The following PTPRD variants were observed in gnomAD, a reference collection of about 807,000 sequenced individuals.
PTPRD encodes the protein protein tyrosine phosphatase receptor type D.
A neutral mutation model predicts 214.5 loss-of-function variants in PTPRD; 34 were observed. That is an observed-to-expected ratio of 0.16 (90% confidence interval 0.12 to 0.21). PTPRD has a LOEUF of 0.21. PTPRD is among the 10% of genes least tolerant of loss of function. The pLI, the probability that PTPRD is intolerant of heterozygous loss-of-function variation, is 1.00. For synonymous variants in PTPRD, 1,128 were observed against 845.7 expected (o/e 1.33, Z -5.79); for missense variants, 2,545 against 2,398.7 (o/e 1.06, Z -1.27).
At chr9:8,336,931 T>C (rs1198049451) in intron 43 of PTPRD, among the ~76,000 whole-genome samples, 2 of 152,156 alleles carry the variant, frequency 1.3e-5, no homozygotes, top group African/African-American at 2.4e-5. Context: ...TGGCGATCAT[T>C]AAAAAGTCAG....
At chr9:9,140,004 C>T (rs945533210) in intron 10 of PTPRD, among the ~76,000 whole-genome samples, 27 of 151,700 alleles carry the variant, frequency 1.8e-4, no homozygotes, top group African/African-American at 6.1e-4. Context: ...ATATACCTCC[C>T]GCTGTTCTTG....
chr9:10,379,718 C>T (rs2097785860), intron 2 of PTPRD, among the ~76,000 whole-genome samples: 2 of 151,882 alleles, frequency 1.3e-5, no homozygotes, highest in Non-Finnish European at 2.9e-5. Flanking sequence ...GATGGTTGTG[C>T]CTTAAAACCT....
At chr9:10,348,968 T>C (rs1472497446) in intron 2 of PTPRD, among the ~76,000 whole-genome samples, 1 of 152,072 alleles carries the variant, frequency 6.6e-6, no homozygotes, top group African/African-American at 2.4e-5. Context: ...GTGTAATTGA[T>C]CAACCTATCA....
At chr9:8,667,604 C>T (rs1565132143) in intron 12 of PTPRD, among the ~76,000 whole-genome samples, 1 of 151,774 alleles carries the variant, frequency 6.6e-6, no homozygotes, top group East Asian at 1.9e-4. Context: ...CTGTGCAATG[C>T]ATATAAGACA....
chr9:9,344,114 G>A (rs529531734), intron 9 of PTPRD, among the ~76,000 whole-genome samples: 1 of 152,082 alleles, frequency 6.6e-6, no homozygotes, highest in Non-Finnish European at 1.5e-5. Flanking sequence ...TTGTTACATT[G>A]GCATCAGACA....
Position 8,916,975 on chromosome 9 carries a change from G to A in PTPRD, c.-104+101722C>T, listed in dbSNP as rs576171735. Among the ~76,000 whole-genome samples the A allele has an allele frequency of 2.0e-4, 31 of 151,468 alleles. 1 individual carries two copies. Among genetic ancestry groups the A allele is most frequent in the Admixed American group, 1.2e-3 (18 of 15,208 alleles). On this transcript the variant is annotated intron_variant, in intron 11 of 45. Transcript: ENST00000381196. ...GTTCAAGCAAATTCTGCATATAATC[G>A]TGTTCTCTTTATGAGGCCTCATGGG...
chr9:8,512,280 G>C (rs2097698055), intron 21 of PTPRD, among the ~76,000 whole-genome samples: 2 of 151,932 alleles, frequency 1.3e-5, no homozygotes, highest in South Asian at 2.1e-4. Flanking sequence ...ATATATCATT[G>C]ACAAAATAAG....
intron 39 of PTPRD, among the ~76,000 whole-genome samples, chr9:8,363,086 T>A (rs2078907161): frequency 6.6e-6 from 1 of 152,198 alleles, no homozygotes; most frequent in Non-Finnish European, 1.5e-5. Flanking sequence ...AAACATAGAT[T>A]ATATCTGGAG....
chr9:10,391,047 A>G (rs949727173), intron 2 of PTPRD, among the ~76,000 whole-genome samples: 4 of 151,846 alleles, frequency 2.6e-5, no homozygotes, highest in African/African-American at 9.7e-5. Flanking sequence ...TGTCTCACTA[A>G]GAGGCTGTTA....
At chr9:8,767,818 T>C (rs2094879509) in intron 11 of PTPRD, among the ~76,000 whole-genome samples, 1 of 152,178 alleles carries the variant, frequency 6.6e-6, no homozygotes, top group South Asian at 2.1e-4. Flanking sequence ...AATGTATAAC[T>C]TAAGTTGAGA....
chr9:9,121,374 G>A (rs556915797), intron 10 of PTPRD, among the ~76,000 whole-genome samples: 9 of 152,146 alleles, frequency 5.9e-5, no homozygotes, highest in South Asian at 4.2e-4. Flanking sequence ...ACTTGCACAC[G>A]CATGTTTATA....
At chr9:9,611,135 A>G (rs1265382304) in intron 7 of PTPRD, among the ~76,000 whole-genome samples, 6 of 152,208 alleles carry the variant, frequency 3.9e-5, no homozygotes, top group Admixed American at 2.0e-4. Flanking sequence ...ATGATGTACC[A>G]TAATTCCTTC....
chr9:9,876,087 G>T (rs572507642), intron 5 of PTPRD, among the ~76,000 whole-genome samples: 4 of 151,966 alleles, frequency 2.6e-5, no homozygotes, highest in Non-Finnish European at 5.9e-5. Context: ...GAGGAAGATG[G>T]GCCATGCATA....
At chr9:9,237,888 A>G (rs564697337) in intron 9 of PTPRD, among the ~76,000 whole-genome samples, 2 of 152,140 alleles carry the variant, frequency 1.3e-5, no homozygotes, top group Non-Finnish European at 2.9e-5. Flanking sequence ...TGAGAAACTT[A>G]AAATCTCCTC....
At chr9:10,523,601 G>GTGTATATATATATATATATATATATATA (rs1459526758) in intron 2 of PTPRD, among the ~76,000 whole-genome samples, 1 of 64,336 alleles carries the variant, frequency 1.6e-5, no homozygotes. Context: ...ATATTTATCT[G>GTGTATATATATATATATATATATATATA]TATATATATA....
chr9:9,525,779 G>T (rs966284645), intron 8 of PTPRD, among the ~76,000 whole-genome samples: 1 of 151,468 alleles, frequency 6.6e-6, no homozygotes, highest in African/African-American at 2.4e-5. Context: ...ATATTAGTAG[G>T]TATTCATATT....
intron 12 of PTPRD, among the ~76,000 whole-genome samples, chr9:8,721,379 G>A (rs1407658234): frequency 2.1e-5 from 3 of 144,672 alleles, no homozygotes; most frequent in African/African-American, 7.8e-5. Context: ...GCAGTGAGCC[G>A]AGATCACACC....
intron 30 of PTPRD, among the ~76,000 whole-genome samples, chr9:8,477,909 C>G (rs981487115): frequency 2.0e-5 from 3 of 152,210 alleles, no homozygotes; most frequent in Admixed American, 1.3e-4. Context: ...GGATTCAAGC[C>G]TTTCCTCTCT....
intron 11 of PTPRD, among the ~76,000 whole-genome samples, chr9:8,917,343 G>C (rs1232322347): frequency 2.7e-5 from 4 of 146,050 alleles, no homozygotes; most frequent in African/African-American, 1.0e-4. Flanking sequence ...TCACCATTTT[G>C]GCCAGGCTGG....
Sources: allele counts gnomAD v4.1 joint callset (sites outside exome capture counted in the v4.1 genomes callset), GRCh38; gene constraint gnomAD v4.1.1; transcripts MANE v1.5; gene names NCBI Gene and HGNC (gene_info 2026-07-23, HGNC 2026-07-21).